Variants in TAFA1 observed in about 807,000 individuals in gnomAD.
The protein encoded by TAFA1 is TAFA chemokine like family member 1.
TAFA1 carries 4 observed loss-of-function variants against 18.5 expected under a neutral mutation model. The observed-to-expected ratio is 0.22, with a 90% CI of 0.11 to 0.49. TAFA1 has a LOEUF of 0.49. TAFA1 is among the 20% of genes least tolerant of loss of function. The pLI, the probability that TAFA1 is intolerant of heterozygous loss-of-function variation, is 0.98. For synonymous variants in TAFA1, 56 were observed against 55.2 expected, an observed-to-expected ratio of 1.01 and a Z score of -0.06; for missense variants, 147 against 169.0, an observed-to-expected ratio of 0.87 and a Z score of 0.72.
intron 2 of TAFA1, among the ~76,000 whole-genome samples, chr3:68,318,996 A>C (rs974958550): frequency 4.6e-5 from 7 of 152,298 alleles, no homozygotes; most frequent in Middle Eastern, 3.4e-3. Context: ...TTTTATTTAG[A>C]AATGATTCTT....
At chr3:68,221,981 T>C (rs1165441073) in intron 2 of TAFA1, among the ~76,000 whole-genome samples, 1 of 152,210 alleles carries the variant, frequency 6.6e-6, no homozygotes, top group Non-Finnish European at 1.5e-5. Flanking sequence ...GGGTCAACTG[T>C]GGAGAGCTTA....
intron 2 of TAFA1, among the ~76,000 whole-genome samples, chr3:68,407,108 T>C (rs2070626063): frequency 6.6e-6 from 1 of 151,736 alleles, no homozygotes; most frequent in Admixed American, 6.6e-5. Flanking sequence ...GGAATGAGAG[T>C]AGAAAGGTAA....
At chr3:68,046,297 C>G (rs1410534919) in intron 2 of TAFA1, among the ~76,000 whole-genome samples, 2 of 152,018 alleles carry the variant, frequency 1.3e-5, no homozygotes, top group Non-Finnish European at 2.9e-5. Context: ...TTAGGTGACT[C>G]TGATTGTAGG....
chr3:68,208,392 G>T (rs1281934736), intron 2 of TAFA1, among the ~76,000 whole-genome samples: 1 of 151,874 alleles, frequency 6.6e-6, no homozygotes, highest in Non-Finnish European at 1.5e-5. Context: ...TTTCCTTTTG[G>T]CCCCAAGAAA....
chr3:68,259,590 C>G (rs1181329199), intron 2 of TAFA1, among the ~76,000 whole-genome samples: 12 of 151,928 alleles, frequency 7.9e-5, no homozygotes, highest in South Asian at 2.1e-4. Context: ...TCTTCCATTT[C>G]TTTGTATCCT....
chr3:68,368,456 C>G (rs911426869), intron 2 of TAFA1, among the ~76,000 whole-genome samples: 1 of 152,066 alleles, frequency 6.6e-6, no homozygotes, highest in Non-Finnish European at 1.5e-5. Flanking sequence ...GGCCTTGAAG[C>G]CCTTATATCT....
chr3:68,518,182 C>T (rs1306893042), intron 3 of TAFA1, among the ~76,000 whole-genome samples: 5 of 152,152 alleles, frequency 3.3e-5, no homozygotes, highest in African/African-American at 9.7e-5. Flanking sequence ...GCTGTGTGAG[C>T]GTGGGCATGT....
chr3:68,245,700 T>C (rs561750719), intron 2 of TAFA1, among the ~76,000 whole-genome samples: 1 of 152,380 alleles, frequency 6.6e-6, no homozygotes, highest in East Asian at 1.9e-4. Flanking sequence ...ATTGCCTTGC[T>C]TCCTCTACTG....
chr3:68,084,364 C>G (rs2064944606), intron 2 of TAFA1, among the ~76,000 whole-genome samples: 1 of 152,192 alleles, frequency 6.6e-6, no homozygotes, highest in South Asian at 2.1e-4. Context: ...ATCAGTAGCT[C>G]TTTTCTGCCA....
intron 4 of TAFA1, among the ~76,000 whole-genome samples, chr3:68,542,201 C>T (rs1335903955): frequency 6.6e-6 from 1 of 152,138 alleles, no homozygotes; most frequent in African/African-American, 2.4e-5. Context: ...AAAGGTTTTC[C>T]AAGACCCAGC....
intron 2 of TAFA1, among the ~76,000 whole-genome samples, chr3:68,017,277 G>A (rs1196426170): frequency 6.6e-6 from 1 of 152,194 alleles, no homozygotes; most frequent in Non-Finnish European, 1.5e-5. Context: ...CTGGACAGGT[G>A]CTTGAGAATC....
rs571721927 is a variant in TAFA1, at chr3:68,181,033, C to T, written c.118+174289C>T. ...GCTGCATAAACACACAAAGTACGGA[C>T]GAGAAGGCCACCTTTGGCCAACGGT... On this transcript the variant is annotated intron_variant, in intron 2 of 4. Transcript: ENST00000478136. Among the ~76,000 whole-genome samples the T allele has an allele frequency of 1.4e-4, 21 of 152,252 alleles. 1 individual carries two copies. The highest frequency in any genetic ancestry group is 3.9e-4 in the African/African-American group (16 of 41,526).
At chr3:68,293,001 A>G (rs1199032793) in intron 2 of TAFA1, among the ~76,000 whole-genome samples, 2 of 151,946 alleles carry the variant, frequency 1.3e-5, no homozygotes, top group Admixed American at 1.3e-4. Context: ...TACGTATTCA[A>G]TCCTGTACCT....
chr3:68,377,038 C>A (rs988982713), intron 2 of TAFA1, among the ~76,000 whole-genome samples: 2 of 152,118 alleles, frequency 1.3e-5, no homozygotes, highest in Non-Finnish European at 1.5e-5. Context: ...CTGAGGTTTC[C>A]CAAGCCATAT....
chr3:68,307,752 T>C (rs1318350239), intron 2 of TAFA1, among the ~76,000 whole-genome samples: 1 of 152,092 alleles, frequency 6.6e-6, no homozygotes, highest in East Asian at 1.9e-4. Context: ...ATCTGGAGAG[T>C]TTAAGTATTC....
At chr3:68,033,944 A>G (rs556117700) in intron 2 of TAFA1, among the ~76,000 whole-genome samples, 1 of 152,308 alleles carries the variant, frequency 6.6e-6, no homozygotes, top group Admixed American at 6.5e-5. Flanking sequence ...TGGACAGGTT[A>G]CAGGATCAAT....
intron 2 of TAFA1, among the ~76,000 whole-genome samples, chr3:68,281,430 T>A (rs755554526): frequency 6.6e-6 from 1 of 151,774 alleles, no homozygotes; most frequent in Non-Finnish European, 1.5e-5. Context: ...TTATTTAAGA[T>A]AGTTTGATTT....
chr3:68,137,817 A>T (rs556565996), intron 2 of TAFA1, among the ~76,000 whole-genome samples: 1 of 152,256 alleles, frequency 6.6e-6, no homozygotes, highest in African/African-American at 2.4e-5. Flanking sequence ...TTTCCCATAA[A>T]AACTGTTGAG....
intron 3 of TAFA1, among the ~76,000 whole-genome samples, chr3:68,430,115 T>C (rs538041459): frequency 1.2e-3 from 184 of 151,990 alleles, no homozygotes; most frequent in African/African-American, 4.0e-3. Context: ...CCTAAACATA[T>C]ACAAGTAAAC....
Sources: allele counts gnomAD v4.1 joint callset (sites outside exome capture counted in the v4.1 genomes callset), GRCh38; gene constraint gnomAD v4.1.1; transcripts MANE v1.5; gene names NCBI Gene and HGNC (gene_info 2026-07-23, HGNC 2026-07-21).